COL16A1: variants seen among roughly 807,000 people sequenced by gnomAD.
COL16A1 encodes the protein collagen alpha-1(XVI) chain.
In COL16A1, 189 loss-of-function variants were observed where a neutral mutation model predicts 266.3. The observed-to-expected ratio is 0.71, with a 90% CI of 0.63 to 0.80. COL16A1 has a LOEUF of 0.80. Ranked by LOEUF, COL16A1 falls within the 30% of genes least tolerant of loss-of-function variation. The pLI is 0.00. For missense variants in COL16A1, 1,928 were observed against 2,122.4 expected (o/e 0.91, Z 1.80); for synonymous variants, 740 against 782.3 (o/e 0.95, Z 0.90).
Position 31,675,329 on chromosome 1 carries a change from C to T in COL16A1, c.2773-18G>A. 1 of 1,612,780 alleles carries T rather than the reference C, an allele frequency of 6.2e-7. No individual in the cohort carries two copies. Among genetic ancestry groups the T allele is most frequent in the Non-Finnish European group, 8.5e-7 (1 of 1,179,500 alleles). ...GGCACTCCCTGTAGCCAAGAAGAGACACGAGTGAGTGGGCTCCATCTCTCT... is the reference window on the plus strand; with the variant it reads ...GGCACTCCCTGTAGCCAAGAAGAGATACGAGTGAGTGGGCTCCATCTCTCT... On this transcript the variant is annotated intron_variant, in intron 42 of 70. Transcript: ENST00000373672.
rs1468902483 is a variant in COL16A1, at chr1:31,655,477, T to A, written c.4127A>T (p.Lys1376Met). 1 of 1,614,080 alleles carries A rather than the reference T, an allele frequency of 6.2e-7. No individual in the cohort carries two copies. Among genetic ancestry groups the A allele is most frequent in the Non-Finnish European group, 8.5e-7 (1 of 1,179,974 alleles). Reference sequence around the variant, plus strand: ...TCTCCCCTTCTCTCCTGCCTGGCCCTTCTGTCCTGCAGCTCCTGGATCACC... The same window carrying A: ...TCTCCCCTTCTCTCCTGCCTGGCCCATCTGTCCTGCAGCTCCTGGATCACC... The part of the protein sequence containing the change: ...PKGDPGAAGQ[K>M]GQAGEKGRAG... The change falls in exon 67 of 71, where the codon AAG (lysine) becomes ATG (methionine). Residue 1376 changes from lysine (K) to methionine (M), a missense_variant. Physicochemically the swap from Lys to Met is moderately conservative, Grantham distance 95. This residue lies in a region of COL16A1 where 376 missense variants were observed against 485.2 expected (regional missense o/e 0.77). Transcript: ENST00000373672.
intron 41 of COL16A1, 47 bp from the exon 42 acceptor site, chr1:31,679,732 A>C (rs764768791): frequency 4.3e-6 from 7 of 1,611,648 alleles, no homozygotes; most frequent in Non-Finnish European, 5.9e-6. Context: ...GCTCTGCCCC[A>C]TGGCCGAGAG....
Position 31,698,734 on chromosome 1 carries a change from C to T in COL16A1, c.267-128G>A. On this transcript the variant is annotated intron_variant, in intron 4 of 70. Coordinates refer to ENST00000373672, the MANE Select transcript of COL16A1 (RefSeq NM_001856.4). This position sits in a 1 kb window ranked among gnomAD's most constrained non-coding sequence, Gnocchi z 4.1. ...GCACACATCTTCCATCATATACATTCATTCACTCTCCATACCTTTACTGAG... is the reference window on the plus strand; with the variant it reads ...GCACACATCTTCCATCATATACATTTATTCACTCTCCATACCTTTACTGAG... The T allele has an allele frequency of 7.0e-7, 1 of 1,433,108 alleles. No homozygotes were observed. Among genetic ancestry groups the T allele is most frequent in the South Asian group, 1.4e-5 (1 of 73,386 alleles). The allele number at this position is 1,433,108 out of a possible 1,614,324, so 88.8% of individuals were successfully genotyped here.
rs970819052 is a variant in COL16A1, at chr1:31,663,851, G to A, written c.3556-1193C>T. ...TTGGAATGTTTACCAGAAAAGGCGG[G>A]GGGAGGCAAGCAGCATAGCGGGGAA... On this transcript the variant is annotated intron_variant, in intron 56 of 70. Coordinates refer to ENST00000373672, the MANE Select transcript of COL16A1 (RefSeq NM_001856.4). This position sits in a 1 kb window ranked among gnomAD's most constrained non-coding sequence, Gnocchi z 4.9. Among the ~76,000 whole-genome samples the A allele has an allele frequency of 1.2e-4, 18 of 152,176 alleles. No individual in the cohort carries two copies. Among genetic ancestry groups the A allele is most frequent in the Non-Finnish European group, 2.2e-4 (15 of 68,040 alleles).
chr1:31,684,960 ATC>A, intron 29 of COL16A1, 104 bp from the exon 30 acceptor site: 2 of 1,587,130 alleles, frequency 1.3e-6, no homozygotes, highest in Non-Finnish European at 8.6e-7. Context: ...AACAAACAAA[ATC>A]TCTGCTTTCG....
chr1:31,660,443 CAGA>C, intron 62 of COL16A1, 139 bp downstream of exon 62: 1 of 1,075,134 alleles, frequency 9.3e-7, no homozygotes, highest in Non-Finnish European at 1.3e-6. Flanking sequence ...CTGGAAACCA[CAGA>C]AGGAGTGGCC....
At position 31,672,638 on chromosome 1, in the gene COL16A1, C is replaced by G; in HGVS notation, c.2977-1G>C. 1 of 1,605,140 alleles carries G rather than the reference C, an allele frequency of 6.2e-7. No individual in the cohort carries two copies. Among genetic ancestry groups the G allele is most frequent in the Non-Finnish European group, 8.5e-7 (1 of 1,174,728 alleles). On this transcript the variant is annotated splice_acceptor_variant, in intron 45 of 70. Coordinates refer to ENST00000373672, the MANE Select transcript of COL16A1 (RefSeq NM_001856.4). LOFTEE classifies it high-confidence loss of function. ...TTGGGCGCTCCAGTGACAAAAAGCA[C>G]TGCAAGGGACAATGAGAGGCACATT...
rs770826996 is a variant in COL16A1 at position 31,675,322 on chromosome 1, G to T, written c.2773-11C>A. On this transcript the variant is annotated splice_polypyrimidine_tract_variant and intron_variant, in intron 42 of 70. Transcript: ENST00000373672. ...GTTTCCAGGCACTCCCTGTAGCCAA[G>T]AAGAGACACGAGTGAGTGGGCTCCA... 6.2e-6 allele frequency: 10 copies of T among 1,613,202 alleles called. No individual in the cohort carries two copies. The Middle Eastern group carries it at 5.0e-4, about 80-fold the overall frequency.
chr1:31,689,947 C>T, intron 22 of COL16A1, 96 bp from the exon 23 acceptor site: 1 of 980,016 alleles, frequency 1.0e-6, no homozygotes, highest in Non-Finnish European at 1.6e-6. Flanking sequence ...GACATTGGGT[C>T]CACCAGAGCC....
At chr1:31,683,445 A>G in intron 34 of COL16A1, 76 bp from the exon 35 acceptor site, 1 of 1,610,502 alleles carries the variant, frequency 6.2e-7, no homozygotes, top group Non-Finnish European at 8.5e-7. Flanking sequence ...GCACCGGCAG[A>G]CCTGGTCTGG....
rs1387358729 is a variant in COL16A1 at position 31,703,905 on chromosome 1, T to C, written c.-103A>G. Reference sequence around the variant, plus strand: ...CAGGCGGAGGAAGCAGAGCCCAGGTTCCTCAGGTCCGCTAGGGGTTCTCTA... The same window carrying C: ...CAGGCGGAGGAAGCAGAGCCCAGGTCCCTCAGGTCCGCTAGGGGTTCTCTA... On this transcript the variant is annotated 5_prime_UTR_variant, in exon 1 of 71. Coordinates refer to ENST00000373672, the MANE Select transcript of COL16A1 (RefSeq NM_001856.4). The C allele has an allele frequency of 6.6e-6, 1 of 152,498 alleles. No homozygotes were observed. The highest frequency in any genetic ancestry group is 2.4e-5 in the African/African-American group (1 of 41,462). The allele number at this position is 152,498 out of a possible 1,614,324, so 9.4% of individuals were successfully genotyped here.
chr1:31,672,700 G>T, intron 45 of COL16A1, 24 bp downstream of exon 45: 1 of 1,612,406 alleles, frequency 6.2e-7, no homozygotes, highest in Non-Finnish European at 8.5e-7. Context: ...CCTGCATAGG[G>T]CAGCCCCAAG....
Position 31,698,078 on chromosome 1 carries a change from T to C in COL16A1, c.485A>G (p.Gln162Arg). The change falls in exon 6 of 71, where the codon CAG (glutamine) becomes CGG (arginine). Residue 162 changes from glutamine (Q) to arginine (R), a missense_variant. Around this residue, in one of 2 missense-constraint regions of COL16A1, gnomAD observed 1,552 missense variants for 1,637.2 expected, o/e 0.95. Coordinates refer to ENST00000373672, the MANE Select transcript of COL16A1 (RefSeq NM_001856.4). This position sits in a 1 kb window ranked among gnomAD's most constrained non-coding sequence, Gnocchi z 4.1. ...DFVSCIFPVP[Q>R]LFDLRWHKLM... ...CTTGTGCCAACGCAAGTCGAAGAGC[T>C]GGGGCACTGGGAAGATGCAGGACAC... 6.2e-7 allele frequency: 1 copy of C among 1,613,990 alleles called. No individual in the cohort carries two copies. Among genetic ancestry groups the C allele is most frequent in the Non-Finnish European group, 8.5e-7 (1 of 1,180,042 alleles).
chr1:31,694,002 A>G (rs1287015646), intron 12 of COL16A1, 142 bp downstream of exon 12: 1 of 704,086 alleles, frequency 1.4e-6, no homozygotes, highest in Middle Eastern at 2.5e-4. Context: ...TGCTTTCTTT[A>G]CCACGCATAC....
Position 31,689,799 on chromosome 1 carries a change from A to G in COL16A1, c.1562T>C (p.Val521Ala), listed in dbSNP as rs751829771. 2 of 1,614,112 alleles carry G rather than the reference A, an allele frequency of 1.2e-6. No individual in the cohort carries two copies. Among genetic ancestry groups the G allele is most frequent in the Non-Finnish European group, 1.7e-6 (2 of 1,180,008 alleles). The change falls in exon 23 of 71, where the codon GTT (valine) becomes GCT (alanine). Residue 521 changes from valine (V) to alanine (A), a missense_variant. This residue lies in a region of COL16A1 where 1,552 missense variants were observed against 1,637.2 expected (regional missense o/e 0.95). Coordinates refer to ENST00000373672, the MANE Select transcript of COL16A1 (RefSeq NM_001856.4). ...GGGCCCTGGCTTTCCAGGAAGTCCAACAAAGTTCTGGAACCCTTCAGGCAG... is the reference window on the plus strand; with the variant it reads ...GGGCCCTGGCTTTCCAGGAAGTCCAGCAAAGTTCTGGAACCCTTCAGGCAG... Reference protein sequence around the residue: ...PTLPEGFQNFVGLPGKPGPKG... With the variant: ...PTLPEGFQNFAGLPGKPGPKG...
rs138916316 is a variant in COL16A1, at chr1:31,670,359, GAGAGA to G, written c.3195+238_3195+242del. Reference sequence around the variant, plus strand: ...AGAAGGAAGACAGAACGGGGTAAGAGAGAGAAGAGGAGAGAAAGAACGCAGGAGAG... The same window carrying G: ...AGAAGGAAGACAGAACGGGGTAAGAGAGAGGAGAGAAAGAACGCAGGAGAG... On this transcript the variant is annotated intron_variant, in intron 49 of 70. Transcript: ENST00000373672. The surrounding 1 kb of genome is among the most constrained non-coding windows in gnomAD (Gnocchi z 4.5). 2.1e-3 allele frequency: 921 copies of G among 437,712 alleles called. 6 individuals carry two copies. The highest frequency in any genetic ancestry group is 0.016 in the African/African-American group (804 of 48,832). The allele number at this position is 437,712 out of a possible 1,614,324, so 27.1% of individuals were successfully genotyped here.
At chr1:31,667,455 G>A in intron 52 of COL16A1, 120 bp downstream of exon 52, 1 of 792,148 alleles carries the variant, frequency 1.3e-6, no homozygotes, top group East Asian at 2.8e-5. Context: ...GCAGGCTTGG[G>A]GGCAGGGGGG....
At position 31,668,279 on chromosome 1, in the gene COL16A1, G is replaced by T. The variant is rs1225761446; in HGVS notation, c.3250-61C>A. The T allele has an allele frequency of 6.4e-7, 1 of 1,567,368 alleles. No individual in the cohort carries two copies. The highest frequency in any genetic ancestry group is 1.1e-5 in the South Asian group (1 of 89,834). On this transcript the variant is annotated intron_variant, in intron 50 of 70. Coordinates refer to ENST00000373672, the MANE Select transcript of COL16A1 (RefSeq NM_001856.4). This position sits in a 1 kb window ranked among gnomAD's most constrained non-coding sequence, Gnocchi z 5.8. ...AACATTTCTGTTCTCCCCTCGCTGG[G>T]TAAGAGGATGGCCAAAGCTAAAACC...
chr1:31,695,264 G>C, intron 10 of COL16A1, 43 bp from the exon 11 acceptor site: 1 of 1,608,674 alleles, frequency 6.2e-7, no homozygotes, highest in South Asian at 1.1e-5. Context: ...CTGAGCCCCT[G>C]GGGTGAGCCC....
Sources: allele counts gnomAD v4.1 joint callset (sites outside exome capture counted in the v4.1 genomes callset), GRCh38; gene constraint gnomAD v4.1.1; regional missense constraint gnomAD v4.1.1; non-coding constraint Gnocchi (gnomAD v3.1); transcripts MANE v1.5; gene names NCBI Gene and HGNC (gene_info 2026-07-23, HGNC 2026-07-21).